The following DDX41 variants were observed in gnomAD, a reference collection of about 807,000 sequenced individuals.
The protein encoded by DDX41 is DEAD-box helicase 41, also known as probable ATP-dependent RNA helicase DDX41.
In DDX41, 50 loss-of-function variants were observed where a neutral mutation model predicts 78.8. The ratio of observed to expected loss-of-function variants is 0.63; its 90% CI spans 0.51 to 0.80. The LOEUF (loss-of-function observed/expected upper bound fraction) is 0.80. Ranked by LOEUF, DDX41 falls within the 30% of genes least tolerant of loss-of-function variation. The pLI, the probability that DDX41 is intolerant of heterozygous loss-of-function variation, is 0.00. For missense variants in DDX41, 633 were observed against 849.2 expected, an observed-to-expected ratio of 0.75 and a Z score of 3.16; for synonymous variants, 381 against 321.5, an observed-to-expected ratio of 1.19 and a Z score of -1.98.
intron 6 of DDX41, 142 bp downstream of exon 6, chr5:177,515,543 C>A: frequency 9.1e-7 from 1 of 1,096,690 alleles, no homozygotes; most frequent in South Asian, 1.4e-5. Flanking sequence ...CAACAAGGAA[C>A]CTAAAGAAAC....
chr5:177,514,829 C>T lies in DDX41; in HGVS notation c.807G>A (p.Leu269=). ...YGLIICPSRE[L]ARQTHGILEY... is the part of the protein sequence containing the mutation. Reference sequence around the variant, plus strand: ...CCAGGATGCCATGGGTCTGCCGGGCCAGCTCCCGCTGCAGGCAGAGGGACA... The same window carrying T: ...CCAGGATGCCATGGGTCTGCCGGGCTAGCTCCCGCTGCAGGCAGAGGGACA... The change falls in exon 9 of 17, where the codon CTG becomes CTA. Residue 269 remains leucine, a synonymous_variant. Transcript: ENST00000330503. The surrounding 1 kb of genome is among the most constrained non-coding windows in gnomAD (Gnocchi z 4.2). 2.5e-6 allele frequency: 4 copies of T among 1,611,434 alleles called. No individual in the cohort carries two copies. Among genetic ancestry groups the T allele is most frequent in the South Asian group, 1.1e-5 (1 of 91,032 alleles).
At position 177,515,080 on chromosome 5, in the gene DDX41, A is replaced by T. The variant is rs747126487; in HGVS notation, c.645-11T>A. The T allele has an allele frequency of 1.2e-6, 2 of 1,611,746 alleles. No homozygotes were observed. The highest frequency in any genetic ancestry group is 1.7e-6 in the Non-Finnish European group (2 of 1,178,020). On this transcript the variant is annotated splice_polypyrimidine_tract_variant and intron_variant, in intron 7 of 16. Coordinates refer to ENST00000330503, the MANE Select transcript of DDX41 (RefSeq NM_016222.4). ...TCACGGCCAGATAGACTGTTGGGAG[A>T]GGATGACCCGAGGGCCAATTTCAAC...
rs929395275 is a variant in DDX41, at chr5:177,513,571, G to A, written c.1099-87C>T. 1 of 1,607,182 alleles carries A rather than the reference G, an allele frequency of 6.2e-7. No individual in the cohort carries two copies. On this transcript the variant is annotated intron_variant, in intron 10 of 16. Transcript: ENST00000330503. This position sits in a 1 kb window ranked among gnomAD's most constrained non-coding sequence, Gnocchi z 4.6. ...GGGGAAGCTGAGCAACTGAGACACAGCCCACAAAGTATGAGCAGTGGGTTG... is the reference window on the plus strand; with the variant it reads ...GGGGAAGCTGAGCAACTGAGACACAACCCACAAAGTATGAGCAGTGGGTTG...
In DDX41 at chr5:177,513,604, C is replaced by T. The variant is rs1761083689; in HGVS notation, c.1098+81G>A. ...AGTATGAGCAGTGGGTTGGGGTGGC[C>T]AGGGGCATGGGGTCCCTGCAGTCTG... On this transcript the variant is annotated intron_variant, in intron 10 of 16. Coordinates refer to ENST00000330503, the MANE Select transcript of DDX41 (RefSeq NM_016222.4). This position sits in a 1 kb window ranked among gnomAD's most constrained non-coding sequence, Gnocchi z 4.6. 1.9e-6 allele frequency: 3 copies of T among 1,603,290 alleles called. No homozygotes were observed. Among genetic ancestry groups the T allele is most frequent in the East Asian group, 2.2e-5 (1 of 44,762 alleles).
Position 177,516,725 on chromosome 5 carries a change from C to T in DDX41, c.138G>A (p.Leu46=), listed in dbSNP as rs1473981445. 1.3e-6 allele frequency: 2 copies of T among 1,596,214 alleles called. No homozygotes were observed. The highest frequency in any genetic ancestry group is 1.3e-5 in the African/African-American group (1 of 74,496). Residue 46 remains leucine (L), a splice_region_variant and synonymous_variant, in exon 2 of 17, where the codon CTG becomes CTA. Transcript: ENST00000330503. ...CCCTCCCCGGACGCGTGCCCCTCAC[C>T]AGTAGCTGCCGGCGCTGCCGTAACG... is the stretch of plus-strand genomic sequence containing the variant. ...YVPLRQRRQL[L]LQKLLQRRRK... is the part of the protein sequence containing the mutation.
chr5:177,513,623 C>A lies in DDX41; in HGVS notation c.1098+62G>T, dbSNP rs879842385. 237 of 1,606,008 alleles carry A rather than the reference C, an allele frequency of 1.5e-4. 2 individuals carry two copies. The highest frequency in any genetic ancestry group is 1.2e-3 in the South Asian group (105 of 90,694). On this transcript the variant is annotated intron_variant, in intron 10 of 16. Coordinates refer to ENST00000330503, the MANE Select transcript of DDX41 (RefSeq NM_016222.4). The surrounding 1 kb of genome is among the most constrained non-coding windows in gnomAD (Gnocchi z 4.6). ...GGTGGCCAGGGGCATGGGGTCCCTGCAGTCTGATGTGGCGTGCAGTGGGGG... is the reference window on the plus strand; with the variant it reads ...GGTGGCCAGGGGCATGGGGTCCCTGAAGTCTGATGTGGCGTGCAGTGGGGG...
Position 177,514,196 on chromosome 5 carries a change from C to T in DDX41, c.936-349G>A, listed in dbSNP as rs772070075. On this transcript the variant is annotated intron_variant, in intron 9 of 16. Transcript: ENST00000330503. The surrounding 1 kb of genome is among the most constrained non-coding windows in gnomAD (Gnocchi z 4.2). ...ACCATCTCCCTAATACTCAGAAGTC[C>T]GTGGAGGAAGGCCTCCGGGATGGGG... 46 of 509,158 alleles carry T rather than the reference C, an allele frequency of 9.0e-5. No individual in the cohort carries two copies. The highest frequency in any genetic ancestry group is 5.0e-4 in the Admixed American group (22 of 44,004). The allele number at this position is 509,158 out of a possible 1,614,324, so 31.5% of individuals were successfully genotyped here. A position where few individuals can be genotyped will look rare whatever the true frequency, so the allele number is the denominator to read the frequency against.
At chr5:177,511,991 C>T (rs558801753) in intron 16 of DDX41, 64 bp from the exon 17 acceptor site, 19 of 1,606,072 alleles carry the variant, frequency 1.2e-5, no homozygotes, top group South Asian at 4.4e-5. Context: ...GGACTTCGGG[C>T]CCCCCGTTAG....
Position 177,514,645 on chromosome 5 carries a change from C to T in DDX41, c.935+56G>A, listed in dbSNP as rs1477277804. On this transcript the variant is annotated intron_variant, in intron 9 of 16. Transcript: ENST00000330503. This position sits in a 1 kb window ranked among gnomAD's most constrained non-coding sequence, Gnocchi z 4.2. ...GTGGCTAAGGTAAAGGGTCCTTTAGCTTTTCCACAGACTCGCAGGTGGCAG... is the reference window on the plus strand; with the variant it reads ...GTGGCTAAGGTAAAGGGTCCTTTAGTTTTTCCACAGACTCGCAGGTGGCAG... 12 of 1,570,622 alleles carry T rather than the reference C, an allele frequency of 7.6e-6. No homozygotes were observed. Among genetic ancestry groups the T allele is most frequent in the Middle Eastern group, 1.7e-4 (1 of 5,912 alleles).
At position 177,513,644 on chromosome 5, in the gene DDX41, G is replaced by A. The variant is rs1262019290; in HGVS notation, c.1098+41C>T. The stretch of plus-strand genomic sequence containing the variant: ...CCTGCAGTCTGATGTGGCGTGCAGT[G>A]GGGGGCGGTGCAGGGTGCCCTGGCC... On this transcript the variant is annotated intron_variant, in intron 10 of 16. Transcript: ENST00000330503. This position sits in a 1 kb window ranked among gnomAD's most constrained non-coding sequence, Gnocchi z 4.6. 6.2e-7 allele frequency: 1 copy of A among 1,610,316 alleles called. No homozygotes were observed. The highest frequency in any genetic ancestry group is 1.3e-5 in the African/African-American group (1 of 74,890).
rs189630090 is a variant in DDX41 at position 177,512,723 on chromosome 5, T to A, written c.1399+57A>T. 4.3e-5 allele frequency: 70 copies of A among 1,613,172 alleles called. No individual in the cohort carries two copies. In the Middle Eastern group the frequency reaches 4.9e-4, roughly 11 times the overall value. On this transcript the variant is annotated intron_variant, in intron 13 of 16. Coordinates refer to ENST00000330503, the MANE Select transcript of DDX41 (RefSeq NM_016222.4). ...CAGGCCAACCAGGCAGGGGAAGGCA[T>A]TAGGTAAAGCACTGCTACTGCAGCA...
rs1237201568 is a variant in DDX41 at position 177,513,113 on chromosome 5, T to C, written c.1231-31A>G. ...ACCACAAAGATCAGGTCAGGTGATC[T>C]TGAGATTAGGCTTACCCGCCACAGC... On this transcript the variant is annotated intron_variant, in intron 11 of 16. Transcript: ENST00000330503. This position sits in a 1 kb window ranked among gnomAD's most constrained non-coding sequence, Gnocchi z 4.6. 1 of 1,597,830 alleles carries C rather than the reference T, an allele frequency of 6.3e-7. No individual in the cohort carries two copies. The highest frequency in any genetic ancestry group is 1.1e-5 in the South Asian group (1 of 88,296).
At position 177,513,851 on chromosome 5, in the gene DDX41, G is replaced by A; in HGVS notation, c.936-4C>T. On this transcript the variant is annotated splice_region_variant and splice_polypyrimidine_tract_variant and intron_variant, in intron 9 of 16. Coordinates refer to ENST00000330503, the MANE Select transcript of DDX41 (RefSeq NM_016222.4). This position sits in a 1 kb window ranked among gnomAD's most constrained non-coding sequence, Gnocchi z 4.6. ...GGCCACCATCATGTGTACACCGCTG[G>A]GGACCAAGGAGAGACCCTGAGGTTG... 6.2e-7 allele frequency: 1 copy of A among 1,613,360 alleles called. No homozygotes were observed. The highest frequency in any genetic ancestry group is 8.5e-7 in the Non-Finnish European group (1 of 1,179,866).
At position 177,513,334 on chromosome 5, in the gene DDX41, A is replaced by G. The variant is rs1240312174; in HGVS notation, c.1230+19T>C. ...AGCCCCCACAGGTGAGAGACCGCCC[A>G]TCAGGAGCACCTGCCCACCTGGATG... On this transcript the variant is annotated intron_variant, in intron 11 of 16. Coordinates refer to ENST00000330503, the MANE Select transcript of DDX41 (RefSeq NM_016222.4). This position sits in a 1 kb window ranked among gnomAD's most constrained non-coding sequence, Gnocchi z 4.6. The G allele has an allele frequency of 1.9e-6, 3 of 1,613,914 alleles. No homozygotes were observed. Among genetic ancestry groups the G allele is most frequent in the Non-Finnish European group, 2.5e-6 (3 of 1,179,994 alleles).
chr5:177,515,384 G>C (rs1331159677), intron 6 of DDX41, 126 bp from the exon 7 acceptor site: 3 of 1,012,306 alleles, frequency 3.0e-6, no homozygotes, highest in Non-Finnish European at 4.6e-6. Context: ...GAGAGAGAGA[G>C]AGAGTGGAAA....
Position 177,514,241 on chromosome 5 carries a change from G to A in DDX41, c.936-394C>T, listed in dbSNP as rs1761118585. On this transcript the variant is annotated intron_variant, in intron 9 of 16. Transcript: ENST00000330503. The surrounding 1 kb of genome is among the most constrained non-coding windows in gnomAD (Gnocchi z 4.2). ...ATGGGGTCTGGCCCATCTGTGAACA[G>A]AGGGCCTGGTCCAGGGCCTCTGGTG... 1 of 490,744 alleles carries A rather than the reference G, an allele frequency of 2.0e-6. No individual in the cohort carries two copies. The highest frequency in any genetic ancestry group is 4.0e-6 in the Non-Finnish European group (1 of 250,488). 30.4% of individuals were successfully genotyped at this position (490,744 alleles called of 1,614,324 possible).
chr5:177,514,869 A>C lies in DDX41; in HGVS notation c.799-32T>G. The C allele has an allele frequency of 6.2e-7, 1 of 1,604,712 alleles. No homozygotes were observed. On this transcript the variant is annotated intron_variant, in intron 8 of 16. Coordinates refer to ENST00000330503, the MANE Select transcript of DDX41 (RefSeq NM_016222.4). The surrounding 1 kb of genome is among the most constrained non-coding windows in gnomAD (Gnocchi z 4.2). Reference sequence around the variant, plus strand: ...GCAGAGGGACAAAGGCTGGCACCAGATGGCAGCCCCAATCTCTGGCCTGCC... The same window carrying C: ...GCAGAGGGACAAAGGCTGGCACCAGCTGGCAGCCCCAATCTCTGGCCTGCC...
In DDX41 at chr5:177,515,319, C is replaced by T. The variant is rs752885367; in HGVS notation, c.572-61G>A. 11 of 1,556,956 alleles carry T rather than the reference C, an allele frequency of 7.1e-6. No homozygotes were observed. In the African/African-American group the frequency reaches 1.5e-4, roughly 21 times the overall value. ...CAGGTACTTTCTCAGAGCCCCAAAG[C>T]CTGTAAAACTGGCACTACCCCTACA... On this transcript the variant is annotated intron_variant, in intron 6 of 16. Transcript: ENST00000330503.
intron 2 of DDX41, 46 bp downstream of exon 2, chr5:177,516,679 A>ACC: frequency 6.5e-7 from 1 of 1,539,824 alleles, no homozygotes; most frequent in Non-Finnish European, 8.8e-7. Flanking sequence ...GCCCCCTGCG[A>ACC]CCCCGCGGTC....
Sources: gnomAD v4.1 joint callset for allele counts on GRCh38, gnomAD v4.1.1 for gene constraint, Gnocchi (gnomAD v3.1) non-coding constraint, MANE v1.5 for transcripts, NCBI Gene and HGNC (gene_info 2026-07-23, HGNC 2026-07-21) for gene names.